CAPZA2: variants seen among roughly 807,000 people sequenced by gnomAD.
CAPZA2 encodes F-actin-capping protein subunit alpha-2.
A neutral mutation model predicts 44.0 loss-of-function variants in CAPZA2; 13 were observed. The ratio of observed to expected loss-of-function variants is 0.30; its 90% CI spans 0.19 to 0.47. The LOEUF (loss-of-function observed/expected upper bound fraction) is 0.47. Among genes scored for constraint, CAPZA2 ranks in the 20% least tolerant of loss-of-function variants. The probability of loss-of-function intolerance (pLI) is 1.00; values close to 1 mark genes in which losing one functional copy is unlikely to be tolerated. For synonymous variants in CAPZA2, 94 were observed against 108.2 expected, an observed-to-expected ratio of 0.87 and a Z score of 0.81; for missense variants, 244 against 338.6, an observed-to-expected ratio of 0.72 and a Z score of 2.19.
At chr7:116,903,761 G>C (rs1797025438) in intron 4 of CAPZA2, among the ~76,000 whole-genome samples, 1 of 152,158 alleles carries the variant, frequency 6.6e-6, no homozygotes, top group Non-Finnish European at 1.5e-5. Context: ...ACACCAAAGA[G>C]GATTTGCACC....
At chr7:116,890,338 G>A (rs1358986736) in intron 2 of CAPZA2, among the ~76,000 whole-genome samples, 1 of 150,804 alleles carries the variant, frequency 6.6e-6, no homozygotes, top group Non-Finnish European at 1.5e-5. Context: ...TGGGGATATA[G>A]GATTTATCTA....
chr7:116,878,033 C>A (rs771369217), intron 1 of CAPZA2, among the ~76,000 whole-genome samples: 1 of 152,054 alleles, frequency 6.6e-6, no homozygotes, highest in Non-Finnish European at 1.5e-5. Context: ...GAGAGAAGTG[C>A]GGAATGATTT....
chr7:116,884,948 T>C lies in CAPZA2; in HGVS notation c.40-3179T>C, dbSNP rs1353442670. On this transcript the variant is annotated intron_variant, in intron 1 of 9. Coordinates refer to ENST00000361183, the MANE Select transcript of CAPZA2 (RefSeq NM_006136.3). ...TTTATTTTAGCCATACTATTAGGTA[T>C]GTAGTAGTATTTCGTGATTTCAATA... Among the ~76,000 whole-genome samples, 4 of 152,226 alleles carry C rather than the reference T, an allele frequency of 2.6e-5. No individual in the cohort carries two copies. In the East Asian group the frequency reaches 7.7e-4, roughly 29 times the overall value.
intron 1 of CAPZA2, among the ~76,000 whole-genome samples, chr7:116,884,225 T>C (rs1021944436): frequency 6.6e-6 from 1 of 152,216 alleles, no homozygotes; most frequent in African/African-American, 2.4e-5. Flanking sequence ...GCAATATGTT[T>C]TGAAAACACA....
At chr7:116,885,856 G>A (rs1461114790) in intron 1 of CAPZA2, among the ~76,000 whole-genome samples, 1 of 152,134 alleles carries the variant, frequency 6.6e-6, no homozygotes, top group Non-Finnish European at 1.5e-5. Flanking sequence ...TTTTATGGAG[G>A]CATTATTATG....
At chr7:116,893,120 G>A in intron 3 of CAPZA2, 75 bp downstream of exon 3, 3 of 951,582 alleles carry the variant, frequency 3.2e-6, no homozygotes, top group Non-Finnish European at 4.7e-6. Flanking sequence ...GTGTGTGGGG[G>A]TTTTTTGTGG....
chr7:116,899,489 C>G (rs905003837), intron 4 of CAPZA2, among the ~76,000 whole-genome samples: 2 of 151,524 alleles, frequency 1.3e-5, no homozygotes, highest in African/African-American at 4.8e-5. Context: ...TTAGTCGTTA[C>G]GTAATATGTA....
chr7:116,863,339 CT>C (rs1266272251), intron 1 of CAPZA2, among the ~76,000 whole-genome samples: 14 of 152,334 alleles, frequency 9.2e-5, no homozygotes, highest in African/African-American at 3.4e-4. Flanking sequence ...AGACGACCCC[CT>C]CCCCATAGTT....
At chr7:116,877,237 G>C (rs1231970942) in intron 1 of CAPZA2, among the ~76,000 whole-genome samples, 1 of 152,236 alleles carries the variant, frequency 6.6e-6, no homozygotes, top group African/African-American at 2.4e-5. Context: ...AATGATTGCT[G>C]TACTAAATAA....
intron 1 of CAPZA2, among the ~76,000 whole-genome samples, chr7:116,881,329 A>G (rs1796695110): frequency 6.6e-6 from 1 of 152,186 alleles, no homozygotes; most frequent in Non-Finnish European, 1.5e-5. Flanking sequence ...AAAGAGCAAA[A>G]CTTTAAAGTT....
intron 9 of CAPZA2, among the ~76,000 whole-genome samples, chr7:116,916,788 A>G (rs1228490538): frequency 6.6e-6 from 1 of 152,208 alleles, no homozygotes; most frequent in Admixed American, 6.5e-5. Context: ...TAATCTGAAA[A>G]TTAGAAATCT....
intron 2 of CAPZA2, among the ~76,000 whole-genome samples, chr7:116,892,694 C>T (rs1053253576): frequency 2.0e-5 from 3 of 151,282 alleles, no homozygotes; most frequent in Admixed American, 6.6e-5. Flanking sequence ...TGTTGGATTG[C>T]GTTCAGAGCT....
intron 4 of CAPZA2, among the ~76,000 whole-genome samples, chr7:116,903,072 A>G (rs1021782052): frequency 6.6e-5 from 10 of 152,242 alleles, no homozygotes; most frequent in African/African-American, 2.4e-4. Flanking sequence ...GCCCAGAAAT[A>G]AAGAGATGGC....
chr7:116,910,005 A>C, intron 6 of CAPZA2: 1 of 502,314 alleles, frequency 2.0e-6, no homozygotes, highest in Non-Finnish European at 3.6e-6. Flanking sequence ...TTCTGGCATT[A>C]AATCCATTAT....
chr7:116,890,567 T>C (rs1434431522), intron 2 of CAPZA2, among the ~76,000 whole-genome samples: 8 of 15,094 alleles, frequency 5.3e-4, no homozygotes, highest in Admixed American at 1.1e-3. Flanking sequence ...TATATATATA[T>C]ACACATATAT....
At chr7:116,892,955 TATAAC>T in intron 2 of CAPZA2, 34 bp from the exon 3 acceptor site, 1 of 1,423,236 alleles carries the variant, frequency 7.0e-7, no homozygotes, top group Non-Finnish European at 9.8e-7. Flanking sequence ...TCTTGAAACA[TATAAC>T]AATAATAATG....
chr7:116,877,287 G>A (rs766650317), intron 1 of CAPZA2, among the ~76,000 whole-genome samples: 2 of 152,322 alleles, frequency 1.3e-5, no homozygotes, highest in East Asian at 3.9e-4. Flanking sequence ...TGATCTTAGA[G>A]TTTTCCTTTC....
At position 116,917,941 on chromosome 7, in the gene CAPZA2, C is replaced by A; in HGVS notation, c.*74C>A. The A allele has an allele frequency of 7.9e-7, 1 of 1,264,536 alleles. No individual in the cohort carries two copies. Among genetic ancestry groups the A allele is most frequent in the South Asian group, 1.2e-5 (1 of 80,750 alleles). The allele number at this position is 1,264,536 out of a possible 1,614,324, so 78.3% of individuals were successfully genotyped here. A position where few individuals can be genotyped will look rare whatever the true frequency, so the allele number is the denominator to read the frequency against. On this transcript the variant is annotated 3_prime_UTR_variant, in exon 10 of 10. Coordinates refer to ENST00000361183, the MANE Select transcript of CAPZA2 (RefSeq NM_006136.3). ...TCATTGCAAAAGTATTCTGAACTGTCAAGCTGCCCAGTCAGATGGGCTGTT... is the reference window on the plus strand; with the variant it reads ...TCATTGCAAAAGTATTCTGAACTGTAAAGCTGCCCAGTCAGATGGGCTGTT...
intron 1 of CAPZA2, among the ~76,000 whole-genome samples, chr7:116,864,323 G>GT (rs913838292): frequency 6.6e-6 from 1 of 152,218 alleles, no homozygotes; most frequent in East Asian, 1.9e-4. Context: ...AAATAAAAAA[G>GT]TTTTTTAAAA....
Sources: allele counts gnomAD v4.1 joint callset (sites outside exome capture counted in the v4.1 genomes callset), GRCh38; gene constraint gnomAD v4.1.1; transcripts MANE v1.5; gene names NCBI Gene and HGNC (gene_info 2026-07-23, HGNC 2026-07-21).